The following RFX3 variants were observed in gnomAD, a reference collection of about 807,000 sequenced individuals.
RFX3 encodes regulatory factor X3.
Under a neutral mutation model 98.6 loss-of-function variants are expected in RFX3, and 14 were observed. That is an observed-to-expected ratio of 0.14 (90% CI 0.09 to 0.22). The LOEUF (loss-of-function observed/expected upper bound fraction) is 0.22. RFX3 is among the 10% of genes least tolerant of loss of function. The probability of loss-of-function intolerance (pLI) is 1.00; values close to 1 mark genes in which losing one functional copy is unlikely to be tolerated. For missense variants in RFX3, 639 were observed against 926.9 expected (o/e 0.69, Z 4.03); for synonymous variants, 383 against 328.4 (o/e 1.17, Z -1.80).
At chr9:3,370,135 C>G (rs1837671936) in intron 2 of RFX3, among the ~76,000 whole-genome samples, 1 of 151,308 alleles carries the variant, frequency 6.6e-6, no homozygotes, top group Non-Finnish European at 1.5e-5. Context: ...GCCACCACGC[C>G]CAGCCCAGAG....
At chr9:3,309,169 G>C (rs537824108) in intron 4 of RFX3, among the ~76,000 whole-genome samples, 51 of 152,148 alleles carry the variant, frequency 3.4e-4, no homozygotes, top group Non-Finnish European at 7.2e-4. Context: ...TGCATATTTT[G>C]TGACAGACTA....
intron 4 of RFX3, among the ~76,000 whole-genome samples, chr9:3,310,676 G>T (rs190102370): frequency 6.6e-6 from 1 of 152,102 alleles, no homozygotes; most frequent in African/African-American, 2.4e-5. Flanking sequence ...CTTTTTAACA[G>T]ATTAGAAACC....
intron 6 of RFX3, 71 bp downstream of exon 6, chr9:3,293,006 T>G: frequency 8.0e-7 from 1 of 1,249,512 alleles, no homozygotes; most frequent in Non-Finnish European, 1.1e-6. Context: ...TACTTTTGTT[T>G]AAACAATATA....
intron 1 of RFX3, among the ~76,000 whole-genome samples, chr9:3,518,752 G>C (rs1372378185): frequency 1.3e-5 from 2 of 152,068 alleles, no homozygotes; most frequent in Non-Finnish European, 2.9e-5. Context: ...GAAGCCACAG[G>C]TGATATATTT....
At chr9:3,426,516 C>A (rs1844049033) in intron 1 of RFX3, among the ~76,000 whole-genome samples, 1 of 152,062 alleles carries the variant, frequency 6.6e-6, no homozygotes, top group African/African-American at 2.4e-5. Flanking sequence ...AGGAGGTGAG[C>A]AAGAGGTGAG....
In RFX3 at chr9:3,221,886, T is replaced by C. The variant is rs1180050051; in HGVS notation, c.*3156A>G. ...TCCTCACTGAAAGTGTAGGACTTGG[T>C]TTATGTAGGTATATTTCATGACTAG... On this transcript the variant is annotated 3_prime_UTR_variant, in exon 17 of 17. Transcript: ENST00000617270. The C allele has an allele frequency of 6.6e-6, 1 of 152,160 alleles. No individual in the cohort carries two copies. The highest frequency in any genetic ancestry group is 1.5e-5 in the Non-Finnish European group (1 of 68,004). 9.4% of individuals were successfully genotyped at this position (152,160 alleles called of 1,614,324 possible).
chr9:3,342,825 C>G (rs1449026688), intron 3 of RFX3, among the ~76,000 whole-genome samples: 5 of 152,076 alleles, frequency 3.3e-5, no homozygotes, highest in African/African-American at 9.7e-5. Flanking sequence ...GATGATCAAG[C>G]CTTTGGGAAA....
intron 15 of RFX3, chr9:3,247,337 A>C (rs1389679447): frequency 1.0e-6 from 1 of 987,100 alleles, no homozygotes; most frequent in African/African-American, 1.7e-5. Context: ...TCCCCCTTAC[A>C]TCATTAGTGG....
intron 1 of RFX3, among the ~76,000 whole-genome samples, chr9:3,498,576 G>T (rs143564956): frequency 6.6e-6 from 1 of 151,872 alleles, no homozygotes; most frequent in East Asian, 1.9e-4. Context: ...ACTTCTTTAC[G>T]TGATATCCTT....
rs112453663 is a variant in RFX3 at position 3,517,292 on chromosome 9, A to T, written c.-9+8455T>A. ...AGGCTAAGGTTTTACAGTTAGAAAT[A>T]GAGTGAGAACCTTTATTTTCTCTTT... On this transcript the variant is annotated intron_variant, in intron 1 of 16. Transcript: ENST00000617270. Among the ~76,000 whole-genome samples the T allele has an allele frequency of 4.6e-5, 7 of 152,334 alleles. 1 individual carries two copies. Among genetic ancestry groups the T allele is most frequent in the Admixed American group, 1.3e-4 (2 of 15,302 alleles).
At chr9:3,254,590 T>C (rs960623591) in intron 14 of RFX3, among the ~76,000 whole-genome samples, 2 of 151,512 alleles carry the variant, frequency 1.3e-5, no homozygotes, top group African/African-American at 4.9e-5. Context: ...CAGGCTGGAG[T>C]GCAGTGGCGT....
intron 1 of RFX3, among the ~76,000 whole-genome samples, chr9:3,408,547 T>C (rs1320270588): frequency 6.6e-6 from 1 of 152,052 alleles, no homozygotes; most frequent in African/African-American, 2.4e-5. Context: ...ATTGTACTAC[T>C]TCACTATTTC....
At chr9:3,506,669 T>C (rs1339563979) in intron 1 of RFX3, among the ~76,000 whole-genome samples, 3 of 151,816 alleles carry the variant, frequency 2.0e-5, no homozygotes, top group Non-Finnish European at 4.4e-5. Flanking sequence ...TATATCTATA[T>C]ATAGATATAT....
intron 7 of RFX3, among the ~76,000 whole-genome samples, chr9:3,284,871 G>A (rs1826372685): frequency 6.6e-6 from 1 of 151,664 alleles, no homozygotes; most frequent in African/African-American, 2.4e-5. Context: ...ATCAGAAGCT[G>A]TTTACATTTA....
At chr9:3,322,919 A>C (rs1831473744) in intron 4 of RFX3, among the ~76,000 whole-genome samples, 1 of 152,112 alleles carries the variant, frequency 6.6e-6, no homozygotes, top group African/African-American at 2.4e-5. Flanking sequence ...GTAATTTTGA[A>C]AGCACAATTA....
At chr9:3,332,941 G>A (rs890578818) in intron 3 of RFX3, among the ~76,000 whole-genome samples, 1 of 152,008 alleles carries the variant, frequency 6.6e-6, no homozygotes, top group Non-Finnish European at 1.5e-5. Context: ...TGCATCCTTT[G>A]CCCTCTATGG....
At chr9:3,280,878 G>GAAAT (rs1825839650) in intron 7 of RFX3, among the ~76,000 whole-genome samples, 1 of 151,532 alleles carries the variant, frequency 6.6e-6, no homozygotes, top group Non-Finnish European at 1.5e-5. Flanking sequence ...CAATGTTGTA[G>GAAAT]AAATACATCA....
chr9:3,519,768 T>C (rs763964780), intron 1 of RFX3, among the ~76,000 whole-genome samples: 4 of 152,180 alleles, frequency 2.6e-5, no homozygotes, highest in Non-Finnish European at 5.9e-5. Flanking sequence ...TATTTATTGA[T>C]ACTCTAAACA....
intron 1 of RFX3, among the ~76,000 whole-genome samples, chr9:3,513,240 C>A (rs1377200116): frequency 6.6e-6 from 1 of 152,080 alleles, no homozygotes; most frequent in East Asian, 1.9e-4. Flanking sequence ...GTTTTTGAAT[C>A]AAATATTAGA....
Sources: allele counts gnomAD v4.1 joint callset (sites outside exome capture counted in the v4.1 genomes callset), GRCh38; gene constraint gnomAD v4.1.1; transcripts MANE v1.5; gene names NCBI Gene and HGNC (gene_info 2026-07-23, HGNC 2026-07-21).